The following SYCP2 variants were observed in gnomAD, a reference collection of about 807,000 sequenced individuals.
SYCP2 encodes the protein synaptonemal complex protein 2, also known as synaptonemal complex lateral element protein.
Under a neutral mutation model 211.3 loss-of-function variants are expected in SYCP2, and 55 were observed. The observed-to-expected ratio is 0.26, with a 90% CI of 0.21 to 0.33. The LOEUF (loss-of-function observed/expected upper bound fraction) is 0.33, where lower values mean the gene tolerates loss of function less well. SYCP2 is among the 10% of genes least tolerant of loss of function. The probability of loss-of-function intolerance (pLI) is 1.00; values close to 1 mark genes in which losing one functional copy is unlikely to be tolerated. For synonymous variants in SYCP2, 570 were observed against 555.2 expected, an observed-to-expected ratio of 1.03 and a Z score of -0.37; for missense variants, 1,731 against 1,752.0, an observed-to-expected ratio of 0.99 and a Z score of 0.21.
At chr20:59,901,539 T>C (rs775903331) in intron 16 of SYCP2, 123 bp downstream of exon 16, 3 of 611,544 alleles carry the variant, frequency 4.9e-6, no homozygotes, top group Non-Finnish European at 8.0e-6. Context: ...ACAGTACAAA[T>C]TTAAAGAACT....
intron 32 of SYCP2, 102 bp from the exon 33 acceptor site, chr20:59,877,657 AT>A (rs1031650435): frequency 7.5e-5 from 68 of 904,660 alleles, no homozygotes; most frequent in Admixed American, 1.4e-4. Context: ...TACATAAAAT[AT>A]TTGTAAGAAT....
Position 59,868,901 on chromosome 20 carries a change from A to G in SYCP2, c.3766T>C (p.Ser1256Pro). ...TTCTCTCTTCCTTCACTAGACTTGG[A>G]TAATGAAGATGCTAAATGACTTTCC... ...REESHLASSLSKSSEGREKTW... is the reference protein window; with the variant it reads ...REESHLASSLPKSSEGREKTW... The change falls in exon 37 of 45, where the codon TCC becomes CCC. Residue 1256 changes from serine (S) to proline (P), a missense_variant. By Grantham distance (74) the Ser-to-Pro change is moderately conservative. This residue lies in a region of SYCP2 where 1,387 missense variants were observed against 1,351.3 expected (regional missense o/e 1.03). Coordinates refer to ENST00000357552, the MANE Select transcript of SYCP2 (RefSeq NM_014258.4). The G allele has an allele frequency of 1.2e-6, 2 of 1,608,520 alleles. No homozygotes were observed. The highest frequency in any genetic ancestry group is 2.2e-5 in the East Asian group (1 of 44,666).
intron 14 of SYCP2, among the ~76,000 whole-genome samples, chr20:59,910,767 G>A (rs2060305320): frequency 6.6e-6 from 1 of 150,508 alleles, no homozygotes; most frequent in Non-Finnish European, 1.5e-5. Flanking sequence ...GAAAGTAATG[G>A]CAAGAACCGC....
At chr20:59,928,894 A>G (rs2060682593) in intron 2 of SYCP2, among the ~76,000 whole-genome samples, 3 of 152,194 alleles carry the variant, frequency 2.0e-5, no homozygotes, top group Non-Finnish European at 4.4e-5. Context: ...AAGATGTTCC[A>G]AGAGGAAAGA....
chr20:59,901,367 C>G (rs896761720), intron 16 of SYCP2, among the ~76,000 whole-genome samples: 1 of 151,996 alleles, frequency 6.6e-6, no homozygotes, highest in Non-Finnish European at 1.5e-5. Context: ...GTAATTCTCA[C>G]GATGTTTAAG....
At position 59,865,575 on chromosome 20, in the gene SYCP2, C is replaced by T. The variant is rs142201408; in HGVS notation, c.4456G>A (p.Glu1486Lys). The change falls in exon 43 of 45, where the codon GAG (glutamate) becomes AAG (lysine). Residue 1486 changes from glutamate (E) to lysine (K), a missense_variant and splice_region_variant. By Grantham distance (56) the Glu-to-Lys change is moderately conservative. This residue lies in a region of SYCP2 where 1,387 missense variants were observed against 1,351.3 expected (regional missense o/e 1.03). Coordinates refer to ENST00000357552, the MANE Select transcript of SYCP2 (RefSeq NM_014258.4). ...TATAAAAAGCATAAAATTTATACCT[C>T]GGATGTAAAAACAGTTTCTTCACTA... ...TDSEETVFTS[E>K]MCLMKEDMKV... 147 of 1,598,406 alleles carry T rather than the reference C, an allele frequency of 9.2e-5. No homozygotes were observed. The African/African-American group carries it at 1.8e-3, about 19-fold the overall frequency.
rs752037334 is a variant in SYCP2, at chr20:59,895,573, A to ATTC, written c.1526_1528dup (p.Arg509dup). 2.0e-5 allele frequency: 33 copies of ATTC among 1,613,020 alleles called. No individual in the cohort carries two copies. In the South Asian group the frequency reaches 3.3e-4, roughly 16 times the overall value. On this transcript the variant is annotated inframe_insertion, in exon 20 of 45. Transcript: ENST00000357552. ...GCTCGTCATTTGCAGTGGTGGTTTAATTCTTCTTCTTCGTGGTGGTATTGC... is the reference window on the plus strand; with the variant it reads ...GCTCGTCATTTGCAGTGGTGGTTTAATTCTTCTTCTTCTTCGTGGTGGTATTGC...
chr20:59,900,054 C>T (rs995240185), intron 18 of SYCP2, 84 bp downstream of exon 18: 8 of 1,386,468 alleles, frequency 5.8e-6, no homozygotes, highest in East Asian at 2.3e-5. Flanking sequence ...TATATAAATT[C>T]TAGATGCTTC....
Position 59,868,537 on chromosome 20 carries a change from T to C in SYCP2, c.3864A>G (p.Ile1288Met), listed in dbSNP as rs1245672534. 1.9e-6 allele frequency: 3 copies of C among 1,606,516 alleles called. No homozygotes were observed. The highest frequency in any genetic ancestry group is 2.5e-6 in the Non-Finnish European group (3 of 1,177,416). The change falls in exon 38 of 45, where the codon ATA becomes ATG. Residue 1288 changes from isoleucine (I) to methionine (M), a missense_variant. By Grantham distance (10) the Ile-to-Met change is conservative (BLOSUM62 1). This residue lies in a region of SYCP2 where 1,387 missense variants were observed against 1,351.3 expected (regional missense o/e 1.03). Transcript: ENST00000357552. The part of the protein sequence containing the change: ...GPTQHLSRKR[I>M]YIEDNLSNSN... ...AATTACTTAGATTATCTTCTATATA[T>C]ATTCTTTTGCGACTAAGATGTTGGG...
chr20:59,895,736 T>C (rs561879047), intron 19 of SYCP2, 139 bp from the exon 20 acceptor site: 23 of 956,702 alleles, frequency 2.4e-5, no homozygotes, highest in African/African-American at 1.9e-4. Flanking sequence ...TAAGTGAATA[T>C]AGATGCCATC....
chr20:59,878,133 TTAAAATAA>T lies in SYCP2; in HGVS notation c.2942-96_2942-89del. 5 of 937,770 alleles carry T rather than the reference TTAAAATAA, an allele frequency of 5.3e-6. 1 individual carries two copies. Among genetic ancestry groups the T allele is most frequent in the Non-Finnish European group, 8.1e-6 (5 of 614,650 alleles). The allele number at this position is 937,770 out of a possible 1,614,324, so 58.1% of individuals were successfully genotyped here. On this transcript the variant is annotated intron_variant, in intron 31 of 44. Transcript: ENST00000357552. ...AGAACATCATTTCAGCATATTTAAA[TTAAAATAA>T]TAAAAAGTAGTAAGTTTTTAAAGCA...
intron 14 of SYCP2, 38 bp downstream of exon 14, chr20:59,911,712 A>G: frequency 2.1e-6 from 2 of 963,900 alleles, no homozygotes; most frequent in Non-Finnish European, 3.1e-6. Context: ...TTATATATGC[A>G]TATACATAAA....
At chr20:59,873,815 A>C (rs2059501251) in intron 35 of SYCP2, 41 bp downstream of exon 35, 1 of 1,477,406 alleles carries the variant, frequency 6.8e-7, no homozygotes, top group Admixed American at 2.1e-5. Flanking sequence ...TACTACCTTC[A>C]GATATATCTG....
chr20:59,873,683 T>C (rs748337824), intron 35 of SYCP2, among the ~76,000 whole-genome samples, 173 bp downstream of exon 35: 1 of 152,068 alleles, frequency 6.6e-6, no homozygotes, highest in Non-Finnish European at 1.5e-5. Context: ...GTTAGGTTCA[T>C]CAAGACTGGC....
chr20:59,916,877 C>A (rs542963672), intron 7 of SYCP2, among the ~76,000 whole-genome samples: 9 of 152,024 alleles, frequency 5.9e-5, no homozygotes, highest in Admixed American at 3.3e-4. Flanking sequence ...CGTGATCGTG[C>A]CACTGTACTC....
chr20:59,868,832 A>C lies in SYCP2; in HGVS notation c.3832+3T>G. The C allele has an allele frequency of 6.2e-7, 1 of 1,603,158 alleles. No individual in the cohort carries two copies. Among genetic ancestry groups the C allele is most frequent in the Non-Finnish European group, 8.5e-7 (1 of 1,174,792 alleles). ...TTTAAAAAGCAAGACTATGACTACAAACCTGATACATGAGTAGCATCACAG... is the reference window on the plus strand; with the variant it reads ...TTTAAAAAGCAAGACTATGACTACACACCTGATACATGAGTAGCATCACAG... On this transcript the variant is annotated splice_donor_region_variant and intron_variant, in intron 37 of 44. Coordinates refer to ENST00000357552, the MANE Select transcript of SYCP2 (RefSeq NM_014258.4).
chr20:59,873,907 G>T lies in SYCP2; in HGVS notation c.3504C>A (p.Asn1168Lys), dbSNP rs1262176582. 6.2e-7 allele frequency: 1 copy of T among 1,613,208 alleles called. No homozygotes were observed. The highest frequency in any genetic ancestry group is 1.1e-5 in the South Asian group (1 of 90,968). ...TIKSPKNNEK[N>K]FLCASESCSP... The stretch of plus-strand genomic sequence containing the variant: ...AACAACTTTCACTTGCACACAGGAA[G>T]TTTTTCTCATTGTTTTTGGGTGACT... The change falls in exon 35 of 45, where the codon AAC becomes AAA. Residue 1168 changes from asparagine to lysine, a missense_variant. This residue lies in a region of SYCP2 where 1,387 missense variants were observed against 1,351.3 expected (regional missense o/e 1.03). Transcript: ENST00000357552.
intron 8 of SYCP2, among the ~76,000 whole-genome samples, chr20:59,916,129 C>A (rs1343179892): frequency 6.6e-6 from 1 of 152,028 alleles, no homozygotes; most frequent in Non-Finnish European, 1.5e-5. Context: ...TTTATTTTAA[C>A]TCCATTATAA....
chr20:59,903,286 T>TA (rs545372085), intron 15 of SYCP2, among the ~76,000 whole-genome samples: 157 of 152,238 alleles, frequency 1.0e-3, no homozygotes, highest in Non-Finnish European at 1.9e-3. Flanking sequence ...TTGCTTGCTA[T>TA]AAAATCCAAG....
Sources: allele counts gnomAD v4.1 joint callset (sites outside exome capture counted in the v4.1 genomes callset), GRCh38; gene constraint gnomAD v4.1.1; regional missense constraint gnomAD v4.1.1; transcripts MANE v1.5; gene names NCBI Gene and HGNC (gene_info 2026-07-23, HGNC 2026-07-21).